KCNIP4: variants seen among roughly 807,000 people sequenced by gnomAD.
KCNIP4 encodes potassium voltage-gated channel interacting protein 4, also known as Kv channel-interacting protein 4.
A neutral mutation model predicts 34.0 loss-of-function variants in KCNIP4; 12 were observed. The ratio of observed to expected loss-of-function variants is 0.35; its 90% CI spans 0.23 to 0.57. The LOEUF (loss-of-function observed/expected upper bound fraction) is 0.57, where lower values mean the gene tolerates loss of function less well. Ranked by LOEUF, KCNIP4 falls within the 20% of genes least tolerant of loss-of-function variation. KCNIP4 has a pLI of 0.83. For missense variants in KCNIP4, 238 were observed against 311.7 expected, an observed-to-expected ratio of 0.76 and a Z score of 1.78; for synonymous variants, 124 against 102.2, an observed-to-expected ratio of 1.21 and a Z score of -1.29.
intron 1 of KCNIP4, among the ~76,000 whole-genome samples, chr4:21,579,376 T>G (rs1741025012): frequency 6.6e-6 from 1 of 152,212 alleles, no homozygotes; most frequent in Non-Finnish European, 1.5e-5. Context: ...CAGAAGAATA[T>G]ATTAAGAATA....
rs374988824 is a variant in KCNIP4 at position 21,736,044 on chromosome 4, C to T, written c.61+212527G>A. ...TCAAGGTTAAAGCTGTTAGAGACGG[C>T]GTGTGACTTAGTGTGCTCATTTAAC... is the stretch of plus-strand genomic sequence containing the variant. On this transcript the variant is annotated intron_variant, in intron 1 of 8. Transcript: ENST00000382152. 2.5e-3 allele frequency among the ~76,000 whole-genome samples: 378 copies of T among 152,248 alleles called. 5 individuals are homozygous for T. Among genetic ancestry groups the T allele is most frequent in the South Asian group, 0.019 (92 of 4,816 alleles).
At chr4:21,735,114 C>A (rs1388440730) in intron 1 of KCNIP4, among the ~76,000 whole-genome samples, 1 of 151,832 alleles carries the variant, frequency 6.6e-6, no homozygotes, top group African/African-American at 2.4e-5. Flanking sequence ...TTGAGGAGCT[C>A]ATTGTCCAGC....
chr4:21,051,622 A>G (rs1020506608), intron 1 of KCNIP4, among the ~76,000 whole-genome samples: 3 of 152,232 alleles, frequency 2.0e-5, no homozygotes, highest in Non-Finnish European at 4.4e-5. Context: ...GGCAGTAAGG[A>G]AAAAACAACT....
At chr4:21,607,174 A>G (rs1265136445) in intron 1 of KCNIP4, among the ~76,000 whole-genome samples, 1 of 152,072 alleles carries the variant, frequency 6.6e-6, no homozygotes, top group East Asian at 1.9e-4. Context: ...TTCAATCCCA[A>G]TGCCACCACA....
chr4:21,727,098 T>G (rs945738733), intron 1 of KCNIP4, among the ~76,000 whole-genome samples: 1 of 152,164 alleles, frequency 6.6e-6, no homozygotes, highest in Admixed American at 6.6e-5. Context: ...ACATGTGCCA[T>G]GTATACTCTA....
At chr4:21,121,914 A>G (rs1750190087) in intron 1 of KCNIP4, among the ~76,000 whole-genome samples, 1 of 152,210 alleles carries the variant, frequency 6.6e-6, no homozygotes, top group Non-Finnish European at 1.5e-5. Context: ...ATTGGAGGCA[A>G]TGGCCATCTT....
chr4:21,255,887 A>G (rs1357375100), intron 1 of KCNIP4, among the ~76,000 whole-genome samples: 1 of 152,286 alleles, frequency 6.6e-6, no homozygotes, highest in East Asian at 1.9e-4. Flanking sequence ...TATTAATTCA[A>G]TTAATTTTGA....
intron 1 of KCNIP4, among the ~76,000 whole-genome samples, chr4:21,358,908 C>G (rs1718936110): frequency 6.6e-6 from 1 of 152,086 alleles, no homozygotes; most frequent in Admixed American, 6.6e-5. Flanking sequence ...GTTATCCTGC[C>G]TTTCCAGACC....
intron 1 of KCNIP4, among the ~76,000 whole-genome samples, chr4:21,605,967 G>A (rs1008517757): frequency 1.4e-4 from 22 of 152,210 alleles, no homozygotes; most frequent in African/African-American, 5.1e-4. Context: ...AGAAATGGTG[G>A]CCAATAGGTT....
intron 1 of KCNIP4, among the ~76,000 whole-genome samples, chr4:21,838,061 C>T (rs1723458207): frequency 6.6e-6 from 1 of 151,972 alleles, no homozygotes; most frequent in African/African-American, 2.4e-5. Context: ...AAATATAAAA[C>T]TTAAGGACAA....
In KCNIP4 at chr4:21,705,094, G is replaced by C. The variant is rs547808167; in HGVS notation, c.61+243477C>G. Among the ~76,000 whole-genome samples the C allele has an allele frequency of 2.6e-5, 4 of 152,248 alleles. No individual in the cohort carries two copies. The South Asian group carries it at 8.3e-4, about 32-fold the overall frequency. On this transcript the variant is annotated intron_variant, in intron 1 of 8. Transcript: ENST00000382152. ...ATGGCTTTCAAGGGAATTACACAGA[G>C]TGAAAATGCCAGTCTCAAAAGATTA...
chr4:20,945,072 A>G (rs137911926), intron 1 of KCNIP4, among the ~76,000 whole-genome samples: 46 of 152,294 alleles, frequency 3.0e-4, no homozygotes, highest in African/African-American at 1.1e-3. Context: ...TGGGCCATCA[A>G]AAGTCCATTT....
At chr4:21,216,716 T>C (rs1298393203) in intron 1 of KCNIP4, among the ~76,000 whole-genome samples, 1 of 152,176 alleles carries the variant, frequency 6.6e-6, no homozygotes, top group Non-Finnish European at 1.5e-5. Context: ...GTCACCATGC[T>C]ATCTAGTGGT....
In KCNIP4 at chr4:21,750,544, T is replaced by C. The variant is rs568212249; in HGVS notation, c.61+198027A>G. On this transcript the variant is annotated intron_variant, in intron 1 of 8. Coordinates refer to ENST00000382152, the MANE Select transcript of KCNIP4 (RefSeq NM_025221.6). ...GTTTGACTAACAAGTAAATGAAACA[T>C]GAACATCCTTTGAGGAAAGTGGCTA... Among the ~76,000 whole-genome samples the C allele has an allele frequency of 3.9e-5, 6 of 152,248 alleles. No homozygotes were observed. In the East Asian group the frequency reaches 1.2e-3, roughly 29 times the overall value.
chr4:21,459,289 A>T (rs1577394342), intron 1 of KCNIP4, among the ~76,000 whole-genome samples: 2 of 152,064 alleles, frequency 1.3e-5, no homozygotes, highest in Non-Finnish European at 1.5e-5. Flanking sequence ...GCAGCATTTG[A>T]TAAGGTTGAA....
intron 1 of KCNIP4, among the ~76,000 whole-genome samples, chr4:20,992,607 A>G (rs1737178025): frequency 2.0e-5 from 3 of 152,018 alleles, no homozygotes; most frequent in African/African-American, 7.2e-5. Flanking sequence ...CCCACATACA[A>G]TTATCACCCG....
intron 1 of KCNIP4, among the ~76,000 whole-genome samples, chr4:21,451,340 C>G (rs1032201887): frequency 2.0e-5 from 3 of 152,102 alleles, no homozygotes; most frequent in Non-Finnish European, 4.4e-5. Flanking sequence ...TGATCACAGA[C>G]TCAAACATCC....
At chr4:21,932,257 G>C (rs1338913039) in intron 1 of KCNIP4, among the ~76,000 whole-genome samples, 2 of 152,050 alleles carry the variant, frequency 1.3e-5, no homozygotes, top group African/African-American at 4.8e-5. Context: ...GAGTGAAACA[G>C]TGAGAAACTC....
At chr4:20,903,051 A>G (rs1026724076) in intron 1 of KCNIP4, among the ~76,000 whole-genome samples, 2 of 152,216 alleles carry the variant, frequency 1.3e-5, no homozygotes, top group Non-Finnish European at 2.9e-5. Context: ...ATTAGATATC[A>G]TAAACCACTA....
Sources: gnomAD v4.1 joint callset for allele counts (sites outside exome capture counted in the v4.1 genomes callset) on GRCh38, gnomAD v4.1.1 for gene constraint, MANE v1.5 for transcripts, NCBI Gene and HGNC (gene_info 2026-07-23, HGNC 2026-07-21) for gene names.